Variants in IQUB observed in about 807,000 individuals in gnomAD.
IQUB encodes the protein IQ motif and ubiquitin-like domain-containing protein.
Under a neutral mutation model 86.4 loss-of-function variants are expected in IQUB, and 86 were observed. The ratio of observed to expected loss-of-function variants is 1.00; its 90% CI spans 0.84 to 1.19. IQUB has a LOEUF of 1.19. Among genes scored for constraint, IQUB ranks in the 50% most tolerant of loss-of-function variants. The probability of loss-of-function intolerance (pLI) is 0.00; values close to 1 mark genes in which losing one functional copy is unlikely to be tolerated. For missense variants in IQUB, 946 were observed against 916.9 expected (o/e 1.03, Z -0.41); for synonymous variants, 289 against 304.5 (o/e 0.95, Z 0.53).
rs1793468477 is a variant in IQUB at position 123,452,486 on chromosome 7, C to T, written c.*257G>A. ...AAATTTAAAAAATTTAATGTGAAAA[C>T]ACATTTTAAAATGTTTTCTTTACCC... is the stretch of plus-strand genomic sequence containing the variant. On this transcript the variant is annotated 3_prime_UTR_variant, in exon 13 of 13. Transcript: ENST00000324698. The T allele has an allele frequency of 3.8e-6, 1 of 263,684 alleles. No individual in the cohort carries two copies. The highest frequency in any genetic ancestry group is 1.7e-4 in the South Asian group (1 of 6,018). The allele number at this position is 263,684 out of a possible 1,614,324, so 16.3% of individuals were successfully genotyped here.
At chr7:123,528,289 G>T (rs1028970663) in intron 1 of IQUB, among the ~76,000 whole-genome samples, 1 of 152,196 alleles carries the variant, frequency 6.6e-6, no homozygotes, top group Non-Finnish European at 1.5e-5. Flanking sequence ...CGTCGCTCAC[G>T]CTGGGAGCTG....
chr7:123,483,904 A>G (rs986455814), intron 7 of IQUB, among the ~76,000 whole-genome samples: 9 of 152,138 alleles, frequency 5.9e-5, no homozygotes, highest in Admixed American at 3.9e-4. Flanking sequence ...ATTGGAAACT[A>G]TATTTGCCTT....
intron 3 of IQUB, among the ~76,000 whole-genome samples, chr7:123,507,292 T>A (rs1796222027): frequency 6.6e-6 from 1 of 152,190 alleles, no homozygotes; most frequent in Non-Finnish European, 1.5e-5. Context: ...ATAAATTACA[T>A]GAGATATTCA....
chr7:123,500,809 C>G (rs1238790989), intron 6 of IQUB, among the ~76,000 whole-genome samples: 1 of 152,024 alleles, frequency 6.6e-6, no homozygotes, highest in Non-Finnish European at 1.5e-5. Flanking sequence ...TAACACTTTT[C>G]CATCTGCTTT....
At chr7:123,523,055 AG>A (rs1796991830) in intron 1 of IQUB, among the ~76,000 whole-genome samples, 1 of 150,934 alleles carries the variant, frequency 6.6e-6, no homozygotes, top group South Asian at 2.1e-4. Flanking sequence ...ATGGCTGCAT[AG>A]TATTCCATGG....
intron 2 of IQUB, among the ~76,000 whole-genome samples, chr7:123,510,484 C>T (rs950592542): frequency 6.6e-6 from 1 of 151,986 alleles, no homozygotes; most frequent in Non-Finnish European, 1.5e-5. Context: ...GATACTTACA[C>T]ATTAAAAAAT....
intron 7 of IQUB, among the ~76,000 whole-genome samples, chr7:123,482,308 T>C (rs140162590): frequency 2.8e-4 from 42 of 152,116 alleles, no homozygotes; most frequent in African/African-American, 7.9e-4. Flanking sequence ...AAAAGCATAT[T>C]TGAACAATGA....
At chr7:123,465,505 A>G (rs1413510387) in intron 9 of IQUB, among the ~76,000 whole-genome samples, 1 of 151,940 alleles carries the variant, frequency 6.6e-6, no homozygotes, top group Admixed American at 6.6e-5. Context: ...GTACGTATAT[A>G]TTTTATTCAC....
chr7:123,513,227 T>C (rs1055596503), intron 1 of IQUB, among the ~76,000 whole-genome samples: 3 of 152,206 alleles, frequency 2.0e-5, no homozygotes, highest in Non-Finnish European at 2.9e-5. Flanking sequence ...GCTACTAAGT[T>C]ATAAATTTTT....
chr7:123,476,555 G>A (rs1794751572), intron 8 of IQUB, among the ~76,000 whole-genome samples: 1 of 151,984 alleles, frequency 6.6e-6, no homozygotes, highest in Non-Finnish European at 1.5e-5. Context: ...TCAGAGTTGT[G>A]TTTAGTGAGG....
At position 123,470,667 on chromosome 7, in the gene IQUB, C is replaced by T. The variant is rs376332510; in HGVS notation, c.1411-1283G>A. 5.9e-5 allele frequency among the ~76,000 whole-genome samples: 9 copies of T among 152,052 alleles called. No homozygotes were observed. The East Asian group carries it at 1.6e-3, about 26-fold the overall frequency. On this transcript the variant is annotated intron_variant, in intron 8 of 12. Transcript: ENST00000324698. ...GAGATCGAGACCATCCTGGCTAACA[C>T]GGTGAAACCCCGTCTCTACTAAAAC...
chr7:123,472,283 G>A (rs558986490), intron 8 of IQUB, among the ~76,000 whole-genome samples: 1 of 151,678 alleles, frequency 6.6e-6, no homozygotes, highest in East Asian at 1.9e-4. Context: ...AATAAAGAAA[G>A]AAAGAGAAAG....
At chr7:123,490,200 T>C (rs1224430047) in intron 7 of IQUB, among the ~76,000 whole-genome samples, 1 of 151,780 alleles carries the variant, frequency 6.6e-6, no homozygotes, top group Non-Finnish European at 1.5e-5. Flanking sequence ...TTACAAAATA[T>C]AAAAAGATAT....
chr7:123,493,720 A>AAT (rs1795577829), intron 7 of IQUB, among the ~76,000 whole-genome samples: 1 of 132,660 alleles, frequency 7.5e-6, no homozygotes, highest in Non-Finnish European at 1.6e-5. Context: ...CCCTGAGAGA[A>AAT]ATGTGTGTGT....
At position 123,452,982 on chromosome 7, in the gene IQUB, A is replaced by AAAT. The variant is rs536919255; in HGVS notation, c.2194-60_2194-58dup. On this transcript the variant is annotated intron_variant, in intron 12 of 12. Transcript: ENST00000324698. ...ATCACAGATATATTTTGCCAGGTAA[A>AAAT]AATACTGTCATGCCTCGGTGCCTTT... The AAAT allele has an allele frequency of 1.4e-4, 186 of 1,346,854 alleles. No homozygotes were observed. In the African/African-American group the frequency reaches 1.6e-3, roughly 12 times the overall value. The allele number at this position is 1,346,854 out of a possible 1,614,324, so 83.4% of individuals were successfully genotyped here.
intron 1 of IQUB, among the ~76,000 whole-genome samples, chr7:123,520,448 C>CA (rs1367357654): frequency 2.0e-5 from 3 of 152,100 alleles, no homozygotes; most frequent in African/African-American, 7.2e-5. Flanking sequence ...TATGGCAGAG[C>CA]AGAGTGGCAA....
chr7:123,454,573 G>C (rs1793605018), intron 12 of IQUB, among the ~76,000 whole-genome samples: 1 of 152,176 alleles, frequency 6.6e-6, no homozygotes, highest in East Asian at 1.9e-4. Flanking sequence ...TGGACATCAA[G>C]AGACCTTTTT....
At chr7:123,485,247 T>A (rs1795170038) in intron 7 of IQUB, among the ~76,000 whole-genome samples, 1 of 152,144 alleles carries the variant, frequency 6.6e-6, no homozygotes, top group African/African-American at 2.4e-5. Context: ...CAGCTTGGCT[T>A]ACAGTTGGTT....
At chr7:123,479,728 T>C in intron 8 of IQUB, 67 bp downstream of exon 8, 3 of 1,137,738 alleles carry the variant, frequency 2.6e-6, no homozygotes, top group African/African-American at 1.6e-5. Flanking sequence ...GTCTCTTGTC[T>C]GGTACATTAT....
Sources: allele counts gnomAD v4.1 joint callset (sites outside exome capture counted in the v4.1 genomes callset), GRCh38; gene constraint gnomAD v4.1.1; transcripts MANE v1.5; gene names NCBI Gene and HGNC (gene_info 2026-07-23, HGNC 2026-07-21).